SOX5: variants seen among roughly 807,000 people sequenced by gnomAD.
The protein encoded by SOX5 is SRY-box transcription factor 5.
A neutral mutation model predicts 92.0 loss-of-function variants in SOX5; 9 were observed. The ratio of observed to expected loss-of-function variants is 0.10; its 90% confidence interval spans 0.06 to 0.17. SOX5 has a LOEUF of 0.17. Ranked by LOEUF, SOX5 falls within the 10% of genes least tolerant of loss-of-function variation. The probability of loss-of-function intolerance (pLI) is 1.00; values close to 1 mark genes in which losing one functional copy is unlikely to be tolerated. For missense variants in SOX5, 642 were observed against 944.5 expected, an observed-to-expected ratio of 0.68 and a Z score of 4.20; for synonymous variants, 344 against 336.3, an observed-to-expected ratio of 1.02 and a Z score of -0.25.
chr12:23,963,223 G>A (rs1947154792), intron 4 of SOX5, among the ~76,000 whole-genome samples: 1 of 152,122 alleles, frequency 6.6e-6, no homozygotes, highest in South Asian at 2.1e-4. Flanking sequence ...TCTTAACCCA[G>A]TTGGCAAATA....
chr12:23,671,377 C>A (rs1357735006), intron 6 of SOX5, among the ~76,000 whole-genome samples: 2 of 152,142 alleles, frequency 1.3e-5, no homozygotes, highest in African/African-American at 4.8e-5. Flanking sequence ...TCACCTACAG[C>A]TGAAATTCAG....
chr12:24,407,310 G>T (rs7309268), intron 1 of SOX5, among the ~76,000 whole-genome samples: 9,814 of 152,236 alleles, frequency 0.064, 410 homozygotes, highest in Non-Finnish European at 0.08. Flanking sequence ...GACAGCCAAA[G>T]AACTGGGATC....
intron 3 of SOX5, among the ~76,000 whole-genome samples, chr12:24,225,760 A>T (rs958055087): frequency 2.6e-5 from 4 of 152,216 alleles, no homozygotes; most frequent in African/African-American, 9.6e-5. Flanking sequence ...ACTGGCAAAT[A>T]ATTTGCATAG....
At chr12:23,963,603 A>G (rs187511671) in intron 4 of SOX5, among the ~76,000 whole-genome samples, 1 of 152,212 alleles carries the variant, frequency 6.6e-6, no homozygotes, top group African/African-American at 2.4e-5. Flanking sequence ...TATCAACAGA[A>G]TTACAACAAC....
At chr12:23,692,174 T>A (rs899614263) in intron 6 of SOX5, among the ~76,000 whole-genome samples, 1 of 152,160 alleles carries the variant, frequency 6.6e-6, no homozygotes, top group Non-Finnish European at 1.5e-5. Context: ...GGCTCACGCC[T>A]GTAATCTCAG....
intron 4 of SOX5, among the ~76,000 whole-genome samples, chr12:24,135,927 A>T (rs1950067544): frequency 6.6e-6 from 1 of 152,238 alleles, no homozygotes; most frequent in Admixed American, 6.5e-5. Context: ...GATGTATTTC[A>T]TTTGGTAGAT....
At chr12:24,388,818 T>C (rs1463506128) in intron 1 of SOX5, among the ~76,000 whole-genome samples, 4 of 152,134 alleles carry the variant, frequency 2.6e-5, no homozygotes, top group African/African-American at 9.7e-5. Context: ...TCTGTCTCTA[T>C]ATATTTGGTT....
intron 3 of SOX5, among the ~76,000 whole-genome samples, chr12:24,217,483 A>G (rs1365652692): frequency 1.3e-5 from 2 of 152,240 alleles, no homozygotes; most frequent in Non-Finnish European, 2.9e-5. Flanking sequence ...ATATATAAAT[A>G]AGAATTAACT....
Position 23,533,257 on chromosome 12 carries a change from A to G in SOX5, c.*962T>C. On this transcript the variant is annotated 3_prime_UTR_variant, in exon 15 of 15. Transcript: ENST00000451604. The stretch of plus-strand genomic sequence containing the variant: ...GTACCATAATCACATACATACATAC[A>G]CACAAAAATCCAAGATCAGAAAATA... 1 of 416,100 alleles carries G rather than the reference A, an allele frequency of 2.4e-6. No homozygotes were observed. Among genetic ancestry groups the G allele is most frequent in the Non-Finnish European group, 4.9e-6 (1 of 202,712 alleles). The allele number at this position is 416,100 out of a possible 1,614,324, so 25.8% of individuals were successfully genotyped here.
chr12:23,937,543 C>A (rs908427863), intron 1 of SOX5, among the ~76,000 whole-genome samples: 3 of 150,934 alleles, frequency 2.0e-5, no homozygotes, highest in Non-Finnish European at 4.5e-5. Context: ...ATTTGACATG[C>A]ACCATAGTAT....
intron 3 of SOX5, among the ~76,000 whole-genome samples, chr12:24,273,974 T>A (rs1008777619): frequency 7.2e-5 from 11 of 152,202 alleles, no homozygotes; most frequent in African/African-American, 2.7e-4. Context: ...GCAGCTTCAT[T>A]TCATTGTGGT....
intron 2 of SOX5, among the ~76,000 whole-genome samples, chr12:23,863,793 TACACACACACACACACACAC>T (rs71059936): frequency 6.7e-4 from 98 of 145,792 alleles, no homozygotes; most frequent in East Asian, 2.2e-3. Context: ...TTAAACACAC[TACACACACACACACACACAC>T]ACACACACAC....
chr12:24,140,160 T>A (rs1314244230), intron 4 of SOX5, among the ~76,000 whole-genome samples: 1 of 152,152 alleles, frequency 6.6e-6, no homozygotes, highest in East Asian at 1.9e-4. Flanking sequence ...AAGTAATGGA[T>A]TAATAGTGTA....
intron 3 of SOX5, among the ~76,000 whole-genome samples, chr12:24,241,515 A>G (rs1965556075): frequency 6.6e-6 from 1 of 152,198 alleles, no homozygotes; most frequent in East Asian, 1.9e-4. Flanking sequence ...GAATATATCA[A>G]ATGAATTTCC....
intron 4 of SOX5, among the ~76,000 whole-genome samples, chr12:24,189,781 G>T (rs888322705): frequency 6.6e-5 from 10 of 152,148 alleles, no homozygotes; most frequent in Non-Finnish European, 1.0e-4. Flanking sequence ...ATGAAAATTT[G>T]ATATAAATCA....
chr12:23,640,747 C>T lies in SOX5; in HGVS notation c.1017+65G>A. On this transcript the variant is annotated intron_variant, in intron 8 of 14. Transcript: ENST00000451604. ...ACGAGTCAGTTTTATTTTGCTTTAACACCATAATAGCTGTTTTCGATATTT... is the reference window on the plus strand; with the variant it reads ...ACGAGTCAGTTTTATTTTGCTTTAATACCATAATAGCTGTTTTCGATATTT... 2.6e-6 allele frequency: 3 copies of T among 1,160,718 alleles called. No homozygotes were observed. The South Asian group carries it at 3.7e-5, about 14-fold the overall frequency. 71.9% of individuals were successfully genotyped at this position (1,160,718 alleles called of 1,614,324 possible). A position where few individuals can be genotyped will look rare whatever the true frequency, so the allele number is the denominator to read the frequency against.
chr12:24,369,281 T>G (rs1174358680), intron 1 of SOX5, among the ~76,000 whole-genome samples: 1 of 152,094 alleles, frequency 6.6e-6, no homozygotes, highest in Non-Finnish European at 1.5e-5. Flanking sequence ...CACTGAACAG[T>G]CTAACAATGT....
chr12:24,086,001 C>G (rs1943949797), intron 4 of SOX5, among the ~76,000 whole-genome samples: 1 of 151,144 alleles, frequency 6.6e-6, no homozygotes. Context: ...AAATATTTTA[C>G]TTGGTAGTAA....
intron 8 of SOX5, among the ~76,000 whole-genome samples, chr12:23,637,122 T>A (rs773693275): frequency 2.3e-4 from 35 of 152,174 alleles, no homozygotes; most frequent in Non-Finnish European, 4.7e-4. Flanking sequence ...AGGATCCTTT[T>A]GTGTTTAAAA....
Sources: allele counts gnomAD v4.1 joint callset (sites outside exome capture counted in the v4.1 genomes callset), GRCh38; gene constraint gnomAD v4.1.1; transcripts MANE v1.5; gene names NCBI Gene and HGNC (gene_info 2026-07-23, HGNC 2026-07-21).